SMYD5: variants seen among roughly 807,000 people sequenced by gnomAD.
The protein encoded by SMYD5 is protein-lysine N-trimethyltransferase SMYD5.
A neutral mutation model predicts 57.4 loss-of-function variants in SMYD5; 35 were observed. The ratio of observed to expected loss-of-function variants is 0.61; its 90% CI spans 0.47 to 0.81. SMYD5 has a LOEUF of 0.81. Ranked by LOEUF, SMYD5 falls within the 30% of genes least tolerant of loss-of-function variation. SMYD5 has a pLI of 0.00. For synonymous variants in SMYD5, 198 were observed against 189.7 expected (o/e 1.04, Z -0.36); for missense variants, 471 against 527.9 (o/e 0.89, Z 1.06).
At chr2:73,216,323 G>GGTGGGC (rs1686292540) in intron 1 of SMYD5, among the ~76,000 whole-genome samples, 1 of 152,202 alleles carries the variant, frequency 6.6e-6, no homozygotes, top group South Asian at 2.1e-4. Flanking sequence ...CGGAGGCCAA[G>GGTGGGC]GTGGGCTGAT....
At chr2:73,214,937 A>G in intron 1 of SMYD5, 1 of 632,334 alleles carries the variant, frequency 1.6e-6, no homozygotes, top group Non-Finnish European at 2.0e-6. Context: ...ATGTAAGGAA[A>G]GAAAATACAA....
intron 11 of SMYD5, 135 bp downstream of exon 11, chr2:73,225,095 T>C (rs1686474584): frequency 3.1e-6 from 2 of 642,414 alleles, no homozygotes; most frequent in Admixed American, 3.0e-5. Flanking sequence ...CCTTAGGGTC[T>C]GAGTCTTTCA....
intron 9 of SMYD5, among the ~76,000 whole-genome samples, chr2:73,223,733 G>A (rs1162372798): frequency 6.6e-6 from 1 of 152,178 alleles, no homozygotes; most frequent in Non-Finnish European, 1.5e-5. Flanking sequence ...TTGATGCTGG[G>A]AGGAGGGGGG....
intron 1 of SMYD5, 91 bp downstream of exon 1, chr2:73,214,453 T>A (rs1395691675): frequency 1.9e-6 from 3 of 1,589,978 alleles, no homozygotes; most frequent in Admixed American, 3.5e-5. Context: ...CCCAGAGGCT[T>A]CTGTGCCGCT....
chr2:73,224,894 G>A lies in SMYD5; in HGVS notation c.969G>A (p.Glu323=). 1.2e-6 allele frequency: 2 copies of A among 1,614,008 alleles called. No individual in the cohort carries two copies. The highest frequency in any genetic ancestry group is 1.7e-6 in the Non-Finnish European group (2 of 1,179,942). The stretch of plus-strand genomic sequence containing the variant: ...ACCACAGTTGTGTGCCCAATGCAGA[G>A]ACCTCCTTTCCAGAAAACAACTTCC... The part of the protein sequence containing the change: ...CCNHSCVPNA[E]TSFPENNFLL... Residue 323 remains glutamate (E), a synonymous_variant, in exon 11 of 13, where the codon GAG becomes GAA. Coordinates refer to ENST00000389501, the MANE Select transcript of SMYD5 (RefSeq NM_006062.3).
chr2:73,221,873 C>T lies in SMYD5; in HGVS notation c.585C>T (p.Asn195=), dbSNP rs61736525. The T allele has an allele frequency of 9.9e-4, 1,595 of 1,613,926 alleles. 13 individuals are homozygous for T. The African/African-American group carries it at 0.017, about 17-fold the overall frequency. ...RWIRLFSQFC[N]KTANEEEEIV... is the part of the protein sequence containing the mutation. ...TCAGACTCTTTTCCCAGTTTTGTAA[C>T]AAAACAGCCAATGAAGAGGAGGAAA... The change falls in exon 6 of 13, where the codon AAC becomes AAT. Residue 195 remains asparagine (N), a synonymous_variant. Coordinates refer to ENST00000389501, the MANE Select transcript of SMYD5 (RefSeq NM_006062.3).
intron 1 of SMYD5, among the ~76,000 whole-genome samples, chr2:73,215,509 C>T (rs75582171): frequency 0.016 from 2,497 of 152,302 alleles, 66 homozygotes; most frequent in African/African-American, 0.055. Context: ...TTCCCTACAT[C>T]CCTGGTCTCC....
chr2:73,214,530 G>C (rs560252622), intron 1 of SMYD5, 168 bp downstream of exon 1: 22 of 1,480,946 alleles, frequency 1.5e-5, no homozygotes, highest in Non-Finnish European at 2.0e-5. Flanking sequence ...GCGCAGGCTC[G>C]TGGCGCGGTC....
At chr2:73,219,691 C>G (rs7605115) in intron 2 of SMYD5, among the ~76,000 whole-genome samples, 29,180 of 152,102 alleles carry the variant, frequency 0.19, 3,002 homozygotes, top group East Asian at 0.36. Flanking sequence ...CCACACATTT[C>G]TTAAGCTAGA....
At chr2:73,216,039 G>T (rs2103707575) in intron 1 of SMYD5, among the ~76,000 whole-genome samples, 1 of 152,210 alleles carries the variant, frequency 6.6e-6, no homozygotes, top group Non-Finnish European at 1.5e-5. Context: ...ATATAGACCA[G>T]GGGCCTCAAG....
chr2:73,224,461 C>A lies in SMYD5; in HGVS notation c.941-405C>A, dbSNP rs547126187. The stretch of plus-strand genomic sequence containing the variant: ...CCCCCTGGTTTCCTCACTGCAAACT[C>A]CTCCTCCCAGGCTCCAGGGCCACTC... On this transcript the variant is annotated intron_variant, in intron 10 of 12. Coordinates refer to ENST00000389501, the MANE Select transcript of SMYD5 (RefSeq NM_006062.3). Among the ~76,000 whole-genome samples, 3 of 152,244 alleles carry A rather than the reference C, an allele frequency of 2.0e-5. No individual in the cohort carries two copies. In the East Asian group the frequency reaches 5.8e-4, roughly 29 times the overall value.
rs1686436643 is a variant in SMYD5, at chr2:73,223,460, CTG to C, written c.812_813del (p.Leu271ArgfsTer8). On this transcript the variant is annotated frameshift_variant, in exon 9 of 13. Transcript: ENST00000389501. LOFTEE classifies it high-confidence loss of function. ...CCAGTGGGTCCATGCCTGTGACACTCTGGAGTTGAAGCCTCAGGACCGTGAGC... is the reference window on the plus strand; with the variant it reads ...CCAGTGGGTCCATGCCTGTGACACTCGAGTTGAAGCCTCAGGACCGTGAGC... Reference protein sequence around the residue: ...LSQWVHACDTLELKPQDREQL... With the variant: ...LSQWVHACDTXELKPQDREQL... 1.9e-6 allele frequency: 3 copies of C among 1,614,116 alleles called. No individual in the cohort carries two copies. The highest frequency in any genetic ancestry group is 2.7e-5 in the African/African-American group (2 of 75,048).
In SMYD5 at chr2:73,224,998, T is replaced by C. The variant is rs770193695; in HGVS notation, c.1035+38T>C. On this transcript the variant is annotated intron_variant, in intron 11 of 12. Transcript: ENST00000389501. ...AGGAACCGTCGGGATGGGTGGGCAG[T>C]AGGCCTTGGAAGTTCTCTGCAGGGA... 3.3e-6 allele frequency: 5 copies of C among 1,528,354 alleles called. No individual in the cohort carries two copies. The Admixed American group carries it at 8.4e-5, about 26-fold the overall frequency. 94.7% of individuals were successfully genotyped at this position (1,528,354 alleles called of 1,614,324 possible). A position where few individuals can be genotyped will look rare whatever the true frequency, so the allele number is the denominator to read the frequency against.
intron 6 of SMYD5, among the ~76,000 whole-genome samples, chr2:73,222,243 G>A (rs996146766): frequency 6.6e-6 from 1 of 152,190 alleles, no homozygotes; most frequent in Non-Finnish European, 1.5e-5. Context: ...AGGTAGAATG[G>A]GGCCGCAGAA....
chr2:73,225,714 G>A lies in SMYD5; in HGVS notation c.1106+13G>A, dbSNP rs763653551. 23 of 1,614,196 alleles carry A rather than the reference G, an allele frequency of 1.4e-5. No individual in the cohort carries two copies. The highest frequency in any genetic ancestry group is 1.9e-5 in the Non-Finnish European group (22 of 1,180,022). On this transcript the variant is annotated intron_variant, in intron 12 of 12. Transcript: ENST00000389501. Reference sequence around the variant, plus strand: ...ACAAGATCCTCAGGTGCCAGCTGGGGACATGGTTGTGCAGCTGGGCTCTGG... The same window carrying A: ...ACAAGATCCTCAGGTGCCAGCTGGGAACATGGTTGTGCAGCTGGGCTCTGG...
rs924529708 is a variant in SMYD5 at position 73,227,078 on chromosome 2, C to G, written c.*1132C>G. 2 of 152,804 alleles carry G rather than the reference C, an allele frequency of 1.3e-5. No homozygotes were observed. The highest frequency in any genetic ancestry group is 4.8e-5 in the African/African-American group (2 of 41,462). 9.5% of individuals were successfully genotyped at this position (152,804 alleles called of 1,614,324 possible). ...GAGGGATCCCAGAGAGGGCAGGTGC[C>G]CACCCCACAGGCCCTTTCCTGGACC... On this transcript the variant is annotated 3_prime_UTR_variant, in exon 13 of 13. Transcript: ENST00000389501.
chr2:73,219,986 G>A, intron 2 of SMYD5, 65 bp from the exon 3 acceptor site: 1 of 1,604,300 alleles, frequency 6.2e-7, no homozygotes, highest in East Asian at 2.2e-5. Context: ...GCTCTGTAGG[G>A]CTGTGAAAGG....
At chr2:73,217,713 G>C (rs1397648583) in intron 1 of SMYD5, among the ~76,000 whole-genome samples, 1 of 152,140 alleles carries the variant, frequency 6.6e-6, no homozygotes, top group Non-Finnish European at 1.5e-5. Context: ...AGCTACCTGG[G>C]AGGCAACACT....
rs987344101 is a variant in SMYD5 at position 73,225,718 on chromosome 2, T to A, written c.1106+17T>A. On this transcript the variant is annotated intron_variant, in intron 12 of 12. Transcript: ENST00000389501. ...GATCCTCAGGTGCCAGCTGGGGACA[T>A]GGTTGTGCAGCTGGGCTCTGGGGTC... is the stretch of plus-strand genomic sequence containing the variant. The A allele has an allele frequency of 5.0e-6, 8 of 1,614,148 alleles. No individual in the cohort carries two copies. Among genetic ancestry groups the A allele is most frequent in the Non-Finnish European group, 6.8e-6 (8 of 1,179,980 alleles).
Sources: gnomAD v4.1 joint callset for allele counts (sites outside exome capture counted in the v4.1 genomes callset) on GRCh38, gnomAD v4.1.1 for gene constraint, MANE v1.5 for transcripts, NCBI Gene and HGNC (gene_info 2026-07-23, HGNC 2026-07-21) for gene names.